The following LRP1B variants were observed in gnomAD, a reference collection of about 807,000 sequenced individuals.
LRP1B encodes LDL receptor related protein 1B.
A neutral mutation model predicts 556.6 loss-of-function variants in LRP1B; 217 were observed. That is an observed-to-expected ratio of 0.39 (90% CI 0.35 to 0.44). The LOEUF is 0.44. LRP1B is among the 20% of genes least tolerant of loss of function. The pLI, the probability that LRP1B is intolerant of heterozygous loss-of-function variation, is 1.00. For missense variants in LRP1B, 5,053 were observed against 5,620.8 expected (o/e 0.90, Z 3.23); for synonymous variants, 2,047 against 1,865.8 (o/e 1.10, Z -2.50).
chr2:141,779,148 C>T (rs1157920728), intron 2 of LRP1B, among the ~76,000 whole-genome samples: 2 of 152,030 alleles, frequency 1.3e-5, no homozygotes, highest in Non-Finnish European at 2.9e-5. Context: ...AATCACTTAA[C>T]CTAGATTTGT....
Position 140,850,135 on chromosome 2 carries a change from T to C in LRP1B, c.4906A>G (p.Asn1636Asp). Residue 1636 changes from asparagine to aspartate, a missense_variant, in exon 29 of 91, where the codon AAC becomes GAC. Physicochemically the swap from Asn to Asp is conservative, Grantham distance 23. Around this residue, in one of 5 missense-constraint regions of LRP1B, gnomAD observed 3,619 missense variants for 3,931.9 expected, o/e 0.92. Coordinates refer to ENST00000389484, the MANE Select transcript of LRP1B (RefSeq NM_018557.3). The stretch of plus-strand genomic sequence containing the variant: ...ATAACAGTTTCTAACCCAGTTCCGT[T>C]AATAAAAGCTCGTTTAATGGTTTGT... Reference protein sequence around the residue: ...KTQTIKRAFINGTGLETVISR... With the variant: ...KTQTIKRAFIDGTGLETVISR... 1 of 1,613,188 alleles carries C rather than the reference T, an allele frequency of 6.2e-7. No individual in the cohort carries two copies. The highest frequency in any genetic ancestry group is 2.2e-5 in the East Asian group (1 of 44,802).
chr2:140,238,280 T>C lies in LRP1B; in HGVS notation c.13432A>G (p.Arg4478Gly). The change falls in exon 89 of 91, where the codon AGA becomes GGA. Residue 4478 changes from arginine to glycine, a missense_variant. By Grantham distance (125) the Arg-to-Gly change is moderately radical (BLOSUM62 -2). Transcript: ENST00000389484. ...KRKRRTKTIR[R>G]QPIINGGINV... ...ATTCCTCCATTGATAATAGGTTGTC[T>C]TCTAATTGTTTTTGTCCTAGAATAT... 1 of 1,543,426 alleles carries C rather than the reference T, an allele frequency of 6.5e-7. No homozygotes were observed. The highest frequency in any genetic ancestry group is 8.9e-7 in the Non-Finnish European group (1 of 1,120,060).
intron 57 of LRP1B, among the ~76,000 whole-genome samples, chr2:140,488,472 A>G (rs958729706): frequency 6.6e-6 from 1 of 152,090 alleles, no homozygotes; most frequent in Admixed American, 6.6e-5. Context: ...CACAAATTCA[A>G]TTGATGGGTT....
At chr2:141,446,781 A>G (rs1184660186) in intron 3 of LRP1B, among the ~76,000 whole-genome samples, 1 of 151,764 alleles carries the variant, frequency 6.6e-6, no homozygotes, top group Admixed American at 6.6e-5. Context: ...AGAGAGACCC[A>G]CTCTTAGTCT....
chr2:141,789,104 G>A (rs552147963), intron 2 of LRP1B, among the ~76,000 whole-genome samples: 81 of 152,006 alleles, frequency 5.3e-4, no homozygotes, highest in Non-Finnish European at 7.8e-4. Context: ...CTGAGGAATC[G>A]CCACACTGAC....
intron 3 of LRP1B, among the ~76,000 whole-genome samples, chr2:141,440,608 CT>C (rs1573947616): frequency 6.6e-6 from 1 of 152,346 alleles, no homozygotes; most frequent in East Asian, 1.9e-4. Flanking sequence ...ACATTTACTT[CT>C]ACTGTACAGT....
chr2:140,361,078 T>C (rs1031964195), intron 72 of LRP1B, among the ~76,000 whole-genome samples: 8 of 151,184 alleles, frequency 5.3e-5, no homozygotes, highest in Non-Finnish European at 4.4e-5. Flanking sequence ...TCCCCATTAA[T>C]ATTTATAGTA....
At chr2:140,291,318 A>ATATT (rs369391920) in intron 84 of LRP1B, among the ~76,000 whole-genome samples, 11 of 109,322 alleles carry the variant, frequency 1.0e-4, no homozygotes, top group South Asian at 6.5e-4. Context: ...ATATATATAT[A>ATATT]TTTTTATTAT....
At chr2:140,536,067 A>T (rs950517653) in intron 46 of LRP1B, among the ~76,000 whole-genome samples, 6 of 152,138 alleles carry the variant, frequency 3.9e-5, no homozygotes, top group Non-Finnish European at 8.8e-5. Context: ...TTTCTGAGTT[A>T]CATTTTAAAG....
At chr2:141,410,980 A>G (rs1201886208) in intron 3 of LRP1B, among the ~76,000 whole-genome samples, 1 of 151,832 alleles carries the variant, frequency 6.6e-6, no homozygotes, top group Non-Finnish European at 1.5e-5. Context: ...AGCTATACAC[A>G]TTTTTCTGCT....
chr2:140,344,040 T>C (rs990312479), intron 77 of LRP1B, among the ~76,000 whole-genome samples: 3 of 151,802 alleles, frequency 2.0e-5, no homozygotes, highest in African/African-American at 7.2e-5. Context: ...ACTTGTGAAA[T>C]TGTATATGCT....
intron 7 of LRP1B, among the ~76,000 whole-genome samples, chr2:141,134,968 A>G (rs1701455001): frequency 6.6e-6 from 1 of 151,856 alleles, no homozygotes; most frequent in Admixed American, 6.6e-5. Context: ...GGGTAAGATT[A>G]GGAATTTTAA....
intron 1 of LRP1B, among the ~76,000 whole-genome samples, chr2:141,830,001 G>A (rs1277784161): frequency 6.6e-6 from 1 of 151,784 alleles, no homozygotes. Flanking sequence ...TAACAAAAAA[G>A]AATGAAAATG....
chr2:141,988,876 A>G (rs16855095), intron 1 of LRP1B, among the ~76,000 whole-genome samples: 33,726 of 151,984 alleles, frequency 0.22, 4,062 homozygotes, highest in East Asian at 0.48. Flanking sequence ...TCATATCATT[A>G]CTAATATAAC....
chr2:140,257,178 A>G (rs1681731353), intron 86 of LRP1B, among the ~76,000 whole-genome samples: 1 of 152,166 alleles, frequency 6.6e-6, no homozygotes, highest in African/African-American at 2.4e-5. Context: ...AGTTTAATTA[A>G]TCTAGTTTTA....
At chr2:140,979,678 C>T (rs1558778752) in intron 18 of LRP1B, among the ~76,000 whole-genome samples, 1 of 152,122 alleles carries the variant, frequency 6.6e-6, no homozygotes, top group East Asian at 1.9e-4. Flanking sequence ...CCTACTATAA[C>T]TATATGTGCA....
At chr2:140,482,317 T>C (rs1454080304) in intron 59 of LRP1B, among the ~76,000 whole-genome samples, 1 of 152,200 alleles carries the variant, frequency 6.6e-6, no homozygotes, top group Non-Finnish European at 1.5e-5. Flanking sequence ...ATACATTCAC[T>C]TTAATGTTTA....
At chr2:141,911,994 C>G (rs1465634010) in intron 1 of LRP1B, among the ~76,000 whole-genome samples, 1 of 152,180 alleles carries the variant, frequency 6.6e-6, no homozygotes, top group African/African-American at 2.4e-5. Context: ...TGACTGTTAC[C>G]TGTACCCTGA....
intron 66 of LRP1B, among the ~76,000 whole-genome samples, chr2:140,390,696 G>T (rs1683976337): frequency 6.6e-6 from 1 of 150,918 alleles, no homozygotes; most frequent in South Asian, 2.1e-4. Context: ...ATCTTAGAAA[G>T]GAATTATCCA....
Sources: allele counts gnomAD v4.1 joint callset (sites outside exome capture counted in the v4.1 genomes callset), GRCh38; gene constraint gnomAD v4.1.1; regional missense constraint gnomAD v4.1.1; transcripts MANE v1.5; gene names NCBI Gene and HGNC (gene_info 2026-07-23, HGNC 2026-07-21).